KLF12: variants seen among roughly 807,000 people sequenced by gnomAD.
KLF12 encodes the protein Krueppel-like factor 12.
In KLF12, 9 loss-of-function variants were observed where a neutral mutation model predicts 37.8. The observed-to-expected ratio is 0.24, with a 90% CI of 0.14 to 0.42. The LOEUF (loss-of-function observed/expected upper bound fraction) is 0.42. Ranked by LOEUF, KLF12 falls within the 10% of genes least tolerant of loss-of-function variation. The pLI, the probability that KLF12 is intolerant of heterozygous loss-of-function variation, is 1.00. For missense variants in KLF12, 411 were observed against 516.0 expected, an observed-to-expected ratio of 0.80 and a Z score of 1.97; for synonymous variants, 208 against 202.1, an observed-to-expected ratio of 1.03 and a Z score of -0.25.
At chr13:73,756,473 G>A (rs79289343) in intron 6 of KLF12, among the ~76,000 whole-genome samples, 1,974 of 152,150 alleles carry the variant, frequency 0.013, 18 homozygotes, top group South Asian at 0.037. Context: ...TTGGCTACTC[G>A]ATAACTAAGA....
chr13:73,850,318 CT>C (rs540044802), intron 3 of KLF12, among the ~76,000 whole-genome samples: 6 of 151,912 alleles, frequency 3.9e-5, no homozygotes, highest in African/African-American at 1.2e-4. Flanking sequence ...AATCAGATAA[CT>C]TTTTTTTCCT....
chr13:74,067,640 T>C (rs575431718), intron 1 of KLF12, among the ~76,000 whole-genome samples: 4 of 152,190 alleles, frequency 2.6e-5, no homozygotes, highest in Admixed American at 1.3e-4. Context: ...TGTGATATGA[T>C]TGAGCACTCA....
At chr13:74,235,254 A>G in the KLF12 span, among the ~76,000 whole-genome samples, 1 of 152,236 alleles carries the variant, frequency 6.6e-6, no homozygotes, top group South Asian at 2.1e-4. Flanking sequence ...TAACAAGTAC[A>G]TGCAGGTGCT....
chr13:73,811,935 T>A (rs1043532727), intron 5 of KLF12, among the ~76,000 whole-genome samples: 1 of 152,168 alleles, frequency 6.6e-6, no homozygotes, highest in African/African-American at 2.4e-5. Context: ...CTTTTCTTTG[T>A]TTTTTAATTT....
the KLF12 span, among the ~76,000 whole-genome samples, chr13:74,148,440 C>A: frequency 1.0e-5 from 1 of 98,714 alleles, no homozygotes; most frequent in African/African-American, 3.6e-5. Context: ...TACTCAATTT[C>A]TCTCCTCCCA....
chr13:73,972,689 C>T (rs17061829), intron 2 of KLF12, among the ~76,000 whole-genome samples: 3,475 of 149,480 alleles, frequency 0.023, 132 homozygotes, highest in African/African-American at 0.081. Flanking sequence ...CAGATCGATA[C>T]GAGGTGACAG....
At position 73,850,726 on chromosome 13, in the gene KLF12, C is replaced by T. The variant is rs373281045; in HGVS notation, c.124-4353G>A. Among the ~76,000 whole-genome samples, 395 of 152,286 alleles carry T rather than the reference C, an allele frequency of 2.6e-3. 1 individual carries two copies. The highest frequency in any genetic ancestry group is 9.0e-3 in the African/African-American group (374 of 41,576). Reference sequence around the variant, plus strand: ...GGGCTGACATACATGGGCATTCACACGTACACACAAGATGGTCCCAGCTAT... The same window carrying T: ...GGGCTGACATACATGGGCATTCACATGTACACACAAGATGGTCCCAGCTAT... On this transcript the variant is annotated intron_variant, in intron 3 of 7. Coordinates refer to ENST00000377669, the MANE Select transcript of KLF12 (RefSeq NM_007249.5).
intron 1 of KLF12, among the ~76,000 whole-genome samples, chr13:74,106,030 C>T (rs1453384257): frequency 6.6e-6 from 1 of 152,160 alleles, no homozygotes; most frequent in East Asian, 1.9e-4. Flanking sequence ...TTGAGCCCTT[C>T]CCCTATATAG....
At chr13:73,786,530 C>A (rs1881355969) in intron 5 of KLF12, among the ~76,000 whole-genome samples, 1 of 151,988 alleles carries the variant, frequency 6.6e-6, no homozygotes, top group Non-Finnish European at 1.5e-5. Context: ...CTTACACTAT[C>A]CCACTCATCA....
At chr13:73,812,700 T>C (rs968728880) in intron 5 of KLF12, among the ~76,000 whole-genome samples, 1 of 152,110 alleles carries the variant, frequency 6.6e-6, no homozygotes, top group Non-Finnish European at 1.5e-5. Flanking sequence ...AAAAATAACA[T>C]ATGAGTACTA....
chr13:74,046,392 T>C (rs1451399278), intron 1 of KLF12, among the ~76,000 whole-genome samples: 1 of 151,530 alleles, frequency 6.6e-6, no homozygotes, highest in African/African-American at 2.4e-5. Flanking sequence ...TGGAAACACA[T>C]AGTTTGTTAA....
At chr13:73,871,206 G>A (rs1886446087) in intron 3 of KLF12, among the ~76,000 whole-genome samples, 1 of 152,002 alleles carries the variant, frequency 6.6e-6, no homozygotes, top group South Asian at 2.1e-4. Context: ...GTCTGCGGGG[G>A]AGGCAGTTGT....
chr13:73,725,488 G>A (rs1876594477), intron 6 of KLF12, among the ~76,000 whole-genome samples: 1 of 151,984 alleles, frequency 6.6e-6, no homozygotes, highest in Non-Finnish European at 1.5e-5. Flanking sequence ...CAAAAAAATA[G>A]AATATGCTTC....
Position 73,691,804 on chromosome 13 carries a change from A to G in KLF12, c.*3686T>C, listed in dbSNP as rs564889999. On this transcript the variant is annotated 3_prime_UTR_variant, in exon 8 of 8. Coordinates refer to ENST00000377669, the MANE Select transcript of KLF12 (RefSeq NM_007249.5). ...CTAATGAACTGATTCCAAAGTGCAG[A>G]ATTATGTTTAAAACACAGATGGCAA... is the stretch of plus-strand genomic sequence containing the variant. The G allele has an allele frequency of 1.6e-4, 25 of 152,768 alleles. No individual in the cohort carries two copies. Among genetic ancestry groups the G allele is most frequent in the Admixed American group, 3.3e-4 (5 of 15,304 alleles). The allele number at this position is 152,768 out of a possible 1,614,324, so 9.5% of individuals were successfully genotyped here.
At chr13:73,706,973 G>A (rs1874998356) in intron 7 of KLF12, among the ~76,000 whole-genome samples, 1 of 152,136 alleles carries the variant, frequency 6.6e-6, no homozygotes, top group African/African-American at 2.4e-5. Context: ...ACCACTCTAT[G>A]TTAATTAAAG....
At chr13:74,034,994 A>G (rs2138505279) in intron 1 of KLF12, among the ~76,000 whole-genome samples, 1 of 152,230 alleles carries the variant, frequency 6.6e-6, no homozygotes, top group African/African-American at 2.4e-5. Flanking sequence ...TACTTCCTCA[A>G]GGGAACACAG....
intron 3 of KLF12, among the ~76,000 whole-genome samples, chr13:73,897,786 C>T (rs568879604): frequency 6.6e-6 from 1 of 152,310 alleles, no homozygotes; most frequent in South Asian, 2.1e-4. Flanking sequence ...TATCAGCAAT[C>T]TTTCTAAAAT....
the KLF12 span, among the ~76,000 whole-genome samples, chr13:74,216,546 T>A: frequency 6.6e-6 from 1 of 152,168 alleles, no homozygotes; most frequent in Non-Finnish European, 1.5e-5. Context: ...TAGATAAGGA[T>A]AGTGCTTCTG....
chr13:74,119,496 T>C (rs564274802), intron 1 of KLF12, among the ~76,000 whole-genome samples: 20 of 152,096 alleles, frequency 1.3e-4, no homozygotes, highest in South Asian at 1.2e-3. Flanking sequence ...GAGGAAAGGG[T>C]AGAACATGCA....
Sources: allele counts gnomAD v4.1 joint callset (sites outside exome capture counted in the v4.1 genomes callset), GRCh38; gene constraint gnomAD v4.1.1; transcripts MANE v1.5; gene names NCBI Gene and HGNC (gene_info 2026-07-23, HGNC 2026-07-21).